The following MCF2L2 variants were observed in gnomAD, a reference collection of about 807,000 sequenced individuals.
MCF2L2 encodes probable guanine nucleotide exchange factor MCF2L2.
In MCF2L2, 102 loss-of-function variants were observed where a neutral mutation model predicts 150.2. The observed-to-expected ratio is 0.68, with a 90% CI of 0.58 to 0.80. MCF2L2 has a LOEUF of 0.80. Ranked by LOEUF, MCF2L2 falls within the 30% of genes least tolerant of loss-of-function variation. The pLI, the probability that MCF2L2 is intolerant of heterozygous loss-of-function variation, is 0.00. For synonymous variants in MCF2L2, 465 were observed against 491.3 expected (o/e 0.95, Z 0.71); for missense variants, 1,256 against 1,372.8 (o/e 0.91, Z 1.34).
intron 1 of MCF2L2, among the ~76,000 whole-genome samples, chr3:183,406,403 T>C (rs1036843302): frequency 2.6e-5 from 4 of 152,216 alleles, no homozygotes; most frequent in African/African-American, 4.8e-5. Flanking sequence ...CATTTTTAAA[T>C]TGGGTCATTT....
In MCF2L2 at chr3:183,270,132, G is replaced by C. The variant is rs751850381; in HGVS notation, c.1862+6740C>G. 1 of 1,614,062 alleles carries C rather than the reference G, an allele frequency of 6.2e-7. No individual in the cohort carries two copies. ...ACGTTCCGGAATTAGAAGGACGTGG[G>C]GCAATGAAAATTATGTTCGGTCTCA... On this transcript the variant is annotated intron_variant, in intron 15 of 29. Transcript: ENST00000328913. The surrounding 1 kb of genome is among the most constrained non-coding windows in gnomAD (Gnocchi z 4.5).
At chr3:183,233,043 T>G (rs1723628982) in intron 15 of MCF2L2, among the ~76,000 whole-genome samples, 1 of 152,156 alleles carries the variant, frequency 6.6e-6, no homozygotes, top group Admixed American at 6.5e-5. Flanking sequence ...GTTACTTAAA[T>G]GCTCATCAAA....
intron 15 of MCF2L2, among the ~76,000 whole-genome samples, chr3:183,251,873 C>A (rs902940560): frequency 3.3e-5 from 5 of 151,544 alleles, no homozygotes; most frequent in Non-Finnish European, 5.9e-5. Flanking sequence ...GCATTCTGGA[C>A]TACTTGACCT....
At chr3:183,351,401 T>C (rs75154566) in intron 3 of MCF2L2, among the ~76,000 whole-genome samples, 2,392 of 151,520 alleles carry the variant, frequency 0.016, 66 homozygotes, top group South Asian at 0.091. Context: ...GTAAGCAAGG[T>C]ATAGAAAATA....
At chr3:183,280,707 G>C (rs1727418439) in intron 14 of MCF2L2, among the ~76,000 whole-genome samples, 1 of 151,944 alleles carries the variant, frequency 6.6e-6, no homozygotes, top group Non-Finnish European at 1.5e-5. Context: ...AATTAGCTGG[G>C]TATAGTGGTG....
intron 25 of MCF2L2, among the ~76,000 whole-genome samples, chr3:183,201,343 T>A (rs550611320): frequency 6.6e-6 from 1 of 152,292 alleles, no homozygotes; most frequent in South Asian, 2.1e-4. Flanking sequence ...GTCCTTCACA[T>A]CCCTTGTAAG....
intron 1 of MCF2L2, among the ~76,000 whole-genome samples, chr3:183,414,991 A>G (rs529575822): frequency 4.6e-5 from 7 of 152,256 alleles, no homozygotes; most frequent in Non-Finnish European, 8.8e-5. Flanking sequence ...AGAATGTTCC[A>G]TGTTCCTTGG....
At chr3:183,202,300 A>T (rs1383148740) in intron 25 of MCF2L2, among the ~76,000 whole-genome samples, 1 of 152,192 alleles carries the variant, frequency 6.6e-6, no homozygotes, top group East Asian at 1.9e-4. Flanking sequence ...TGGTTGCTCG[A>T]GGTATTGGCT....
intron 3 of MCF2L2, among the ~76,000 whole-genome samples, chr3:183,361,017 A>G (rs1453667314): frequency 4.5e-4 from 62 of 136,268 alleles, no homozygotes; most frequent in African/African-American, 1.1e-3. Context: ...AGAAAAGAAA[A>G]GAAAAGAGAA....
At chr3:183,203,903 G>C (rs1040911914) in intron 25 of MCF2L2, among the ~76,000 whole-genome samples, 4 of 152,180 alleles carry the variant, frequency 2.6e-5, no homozygotes, top group African/African-American at 9.6e-5. Context: ...TCACAGAGTT[G>C]AGAAGGCAAT....
intron 3 of MCF2L2, among the ~76,000 whole-genome samples, chr3:183,365,969 A>G (rs912314081): frequency 1.3e-5 from 2 of 152,124 alleles, no homozygotes; most frequent in Non-Finnish European, 2.9e-5. Context: ...CAGTACATAT[A>G]TATATGAGTA....
At chr3:183,325,195 C>A (rs563247055) in intron 5 of MCF2L2, among the ~76,000 whole-genome samples, 31 of 151,382 alleles carry the variant, frequency 2.0e-4, no homozygotes, top group African/African-American at 7.3e-4. Context: ...TGCAGCACAC[C>A]AGCATGGCAC....
At chr3:183,349,547 C>T (rs573884847) in intron 3 of MCF2L2, among the ~76,000 whole-genome samples, 13 of 152,356 alleles carry the variant, frequency 8.5e-5, no homozygotes, top group Non-Finnish European at 1.9e-4. Flanking sequence ...CTAGCAAAAA[C>T]GTGTGAACGT....
At chr3:183,400,486 C>A (rs749822098) in intron 1 of MCF2L2, 1 of 456,424 alleles carries the variant, frequency 2.2e-6, no homozygotes, top group African/African-American at 2.0e-5. Flanking sequence ...ATGCACCAGA[C>A]CACGACTGGA....
intron 15 of MCF2L2, among the ~76,000 whole-genome samples, chr3:183,274,868 CAA>C (rs1349319541): frequency 6.6e-6 from 1 of 152,186 alleles, no homozygotes; most frequent in African/African-American, 2.4e-5. Flanking sequence ...CTCCAGACCT[CAA>C]AGACTCCTCA....
intron 27 of MCF2L2, among the ~76,000 whole-genome samples, chr3:183,191,994 C>G (rs1465335780): frequency 1.3e-5 from 2 of 150,894 alleles, no homozygotes; most frequent in African/African-American, 2.4e-5. Context: ...GCGCCCACCA[C>G]CAAGCGCAGC....
intron 1 of MCF2L2, among the ~76,000 whole-genome samples, chr3:183,396,520 C>T (rs1232747078): frequency 6.6e-6 from 1 of 152,118 alleles, no homozygotes; most frequent in Non-Finnish European, 1.5e-5. Context: ...TTACTTAGAT[C>T]ACATTGACTT....
In MCF2L2 at chr3:183,295,482, A is replaced by T; in HGVS notation, c.1498-5T>A. On this transcript the variant is annotated splice_region_variant and splice_polypyrimidine_tract_variant and intron_variant, in intron 12 of 29. Coordinates refer to ENST00000328913, the MANE Select transcript of MCF2L2 (RefSeq NM_015078.4). ...CAAAACTTTCTGGGCTTTGGCCTACAGTAACAAAAGCAAATCATGATGAAC... is the reference window on the plus strand; with the variant it reads ...CAAAACTTTCTGGGCTTTGGCCTACTGTAACAAAAGCAAATCATGATGAAC... 1 of 1,614,020 alleles carries T rather than the reference A, an allele frequency of 6.2e-7. No individual in the cohort carries two copies. Among genetic ancestry groups the T allele is most frequent in the Non-Finnish European group, 8.5e-7 (1 of 1,179,950 alleles).
At chr3:183,380,422 G>A (rs1577107841) in intron 2 of MCF2L2, among the ~76,000 whole-genome samples, 1 of 152,078 alleles carries the variant, frequency 6.6e-6, no homozygotes, top group Non-Finnish European at 1.5e-5. Context: ...CTTTTATTGA[G>A]ACAGAGTCTC....
Sources: gnomAD v4.1 joint callset for allele counts (sites outside exome capture counted in the v4.1 genomes callset) on GRCh38, gnomAD v4.1.1 for gene constraint, Gnocchi (gnomAD v3.1) non-coding constraint, MANE v1.5 for transcripts, NCBI Gene and HGNC (gene_info 2026-07-23, HGNC 2026-07-21) for gene names.